Variants in HTT observed in about 807,000 individuals in gnomAD.
The protein encoded by HTT is huntington disease protein.
In HTT, 104 loss-of-function variants were observed where a neutral mutation model predicts 362.3. The ratio of observed to expected loss-of-function variants is 0.29; its 90% CI spans 0.24 to 0.34. The LOEUF is 0.34. Ranked by LOEUF, HTT falls within the 10% of genes least tolerant of loss-of-function variation. HTT has a pLI of 1.00. For synonymous variants in HTT, 1,577 were observed against 1,548.7 expected (o/e 1.02, Z -0.43); for missense variants, 3,301 against 3,928.6 (o/e 0.84, Z 4.27).
chr4:3,165,058 A>G (rs886259080), intron 29 of HTT, among the ~76,000 whole-genome samples: 2 of 152,120 alleles, frequency 1.3e-5, no homozygotes, highest in African/African-American at 4.8e-5. Flanking sequence ...AGTGGCTGGT[A>G]CTGGTTGTTC....
intron 41 of HTT, among the ~76,000 whole-genome samples, chr4:3,201,553 A>T (rs1719531951): frequency 6.7e-6 from 1 of 149,124 alleles, no homozygotes; most frequent in African/African-American, 2.5e-5. Context: ...AAAAAAAAAA[A>T]TTAATGGATC....
intron 2 of HTT, 39 bp downstream of exon 2, chr4:3,087,061 T>G: frequency 8.8e-7 from 1 of 1,130,332 alleles, no homozygotes. Flanking sequence ...AATAAGAACT[T>G]TGTATATTTT....
chr4:3,175,135 A>G, intron 33 of HTT, 28 bp downstream of exon 33: 2 of 1,587,486 alleles, frequency 1.3e-6, no homozygotes, highest in Non-Finnish European at 8.6e-7. Context: ...TTCATCCATC[A>G]TACCTGTTCC....
At chr4:3,143,983 A>G (rs1716477889) in intron 23 of HTT, among the ~76,000 whole-genome samples, 1 of 152,208 alleles carries the variant, frequency 6.6e-6, no homozygotes, top group Admixed American at 6.5e-5. Context: ...TAATTAAATT[A>G]TGTACATATG....
chr4:3,238,730 G>GGGCCCCCCCC, intron 65 of HTT, 88 bp from the exon 66 acceptor site: 126 of 1,096,872 alleles, frequency 1.1e-4, no homozygotes, highest in Non-Finnish European at 1.5e-4. Context: ...AATGCCTCTG[G>GGGCCCCCCCC]CCCCCACCCC....
intron 24 of HTT, among the ~76,000 whole-genome samples, chr4:3,146,356 A>C (rs902736189): frequency 6.6e-6 from 1 of 152,264 alleles, no homozygotes; most frequent in Non-Finnish European, 1.5e-5. Context: ...TAATAATATC[A>C]GGAAAACTAA....
At position 3,206,744 on chromosome 4, in the gene HTT, T is replaced by G; in HGVS notation, c.5899-63T>G. On this transcript the variant is annotated intron_variant, in intron 43 of 66. Coordinates refer to ENST00000355072, the MANE Select transcript of HTT (RefSeq NM_001388492.1). The surrounding 1 kb of genome is among the most constrained non-coding windows in gnomAD (Gnocchi z 4.6). ...TGCCTTAAAAATGGAGTATTGAAAT[T>G]TTTAACTTTAATTTCTGATTTGCAA... is the stretch of plus-strand genomic sequence containing the variant. 1 of 1,588,692 alleles carries G rather than the reference T, an allele frequency of 6.3e-7. No homozygotes were observed. Among genetic ancestry groups the G allele is most frequent in the Non-Finnish European group, 8.6e-7 (1 of 1,165,086 alleles).
chr4:3,239,946 G>T lies in HTT; in HGVS notation c.9316G>T (p.Glu3106Ter). Reference protein sequence around the residue: ...TDFYRHQIEEELDRRAFQSVL... With the variant: ...TDFYRHQIEE ...CTTCTACAGACACCAGATAGAGGAG[G>T]AGCTCGACCGCAGGGCCTTCCAGTC... Residue 3106 changes from glutamate to a stop codon, truncating the protein, a stop_gained, in exon 67 of 67, where the codon GAG becomes TAG. Coordinates refer to ENST00000355072, the MANE Select transcript of HTT (RefSeq NM_001388492.1). LOFTEE classifies it high-confidence loss of function. 6.3e-7 allele frequency: 1 copy of T among 1,587,244 alleles called. No homozygotes were observed. Among genetic ancestry groups the T allele is most frequent in the Non-Finnish European group, 8.6e-7 (1 of 1,165,908 alleles).
chr4:3,206,558 G>A lies in HTT; in HGVS notation c.5781G>A (p.Leu1927=). The A allele has an allele frequency of 6.2e-7, 1 of 1,614,048 alleles. No individual in the cohort carries two copies. Among genetic ancestry groups the A allele is most frequent in the Non-Finnish European group, 8.5e-7 (1 of 1,179,980 alleles). The stretch of plus-strand genomic sequence containing the variant: ...TCATTGTAAATCACATTCAAGATCT[G>A]ATCAGCCTTTCCCACGAGCCTCCAG... ...TWLIVNHIQD[L]ISLSHEPPVQ... is the part of the protein sequence containing the mutation. Residue 1927 remains leucine, a synonymous_variant, in exon 43 of 67, where the codon CTG becomes CTA. Transcript: ENST00000355072. This position sits in a 1 kb window ranked among gnomAD's most constrained non-coding sequence, Gnocchi z 4.6.
chr4:3,194,307 GTTTGCCTATTTC>G (rs1719149883), intron 40 of HTT, among the ~76,000 whole-genome samples: 2 of 152,128 alleles, frequency 1.3e-5, no homozygotes, highest in Non-Finnish European at 2.9e-5. Context: ...TCCCAAAGTG[GTTTGCCTATTTC>G]ACATTCCATC....
At chr4:3,148,916 C>T (rs28578394) in intron 26 of HTT, among the ~76,000 whole-genome samples, 10,314 of 152,200 alleles carry the variant, frequency 0.068, 417 homozygotes, top group African/African-American at 0.11. Context: ...TTGATTGTGC[C>T]GCTGCACTCC....
At position 3,222,507 on chromosome 4, in the gene HTT, T is replaced by A; in HGVS notation, c.7470+20T>A. 1 of 1,593,212 alleles carries A rather than the reference T, an allele frequency of 6.3e-7. No homozygotes were observed. ...CCAGAAGTAAGGCCACACCCTGTGC[T>A]GGTTGGCACATGGGCAGTTATGGCC... On this transcript the variant is annotated intron_variant, in intron 54 of 66. Coordinates refer to ENST00000355072, the MANE Select transcript of HTT (RefSeq NM_001388492.1).
At chr4:3,201,166 C>T (rs538574264) in intron 41 of HTT, among the ~76,000 whole-genome samples, 1 of 152,342 alleles carries the variant, frequency 6.6e-6, no homozygotes, top group African/African-American at 2.4e-5. Flanking sequence ...GTGACTGTTT[C>T]GTGACCCCCT....
At position 3,220,230 on chromosome 4, in the gene HTT, G is replaced by A. The variant is rs778687026; in HGVS notation, c.7291G>A (p.Ala2431Thr). Reference protein sequence around the residue: ...SPKPGGDFGTAFPEIPVEFLQ... With the variant: ...SPKPGGDFGTTFPEIPVEFLQ... ...CAAACCGGGAGGGGATTTTGGCACA[G>A]CATTCCCTGAGATCCCCGTGGAGTT... is the stretch of plus-strand genomic sequence containing the variant. Residue 2431 changes from alanine to threonine, a missense_variant, in exon 53 of 67, where the codon GCA (alanine) becomes ACA (threonine). Transcript: ENST00000355072. The A allele has an allele frequency of 2.5e-6, 4 of 1,613,994 alleles. No homozygotes were observed. The Admixed American group carries it at 6.7e-5, about 27-fold the overall frequency.
intron 16 of HTT, among the ~76,000 whole-genome samples, chr4:3,132,073 C>T (rs180883785): frequency 5.9e-5 from 9 of 152,188 alleles, no homozygotes; most frequent in South Asian, 2.1e-4. Flanking sequence ...GGCGCTGAGT[C>T]GCACTCAGCC....
Position 3,082,899 on chromosome 4 carries a change from C to T in HTT, c.264-4040C>T, listed in dbSNP as rs142754986. ...AACTGGAAGGACCCTTTCATCTGAG[C>T]AGCCACTATGGAGAAAAACAACCGA... On this transcript the variant is annotated intron_variant, in intron 1 of 66. Transcript: ENST00000355072. Among the ~76,000 whole-genome samples the T allele has an allele frequency of 9.7e-4, 148 of 152,186 alleles. 1 individual carries two copies. The highest frequency in any genetic ancestry group is 1.4e-3 in the Admixed American group (21 of 15,278).
intron 56 of HTT, 46 bp from the exon 57 acceptor site, chr4:3,225,615 C>T (rs769069921): frequency 1.3e-6 from 2 of 1,568,660 alleles, no homozygotes; most frequent in African/African-American, 2.7e-5. Flanking sequence ...GGCCTGCGGC[C>T]CTGCCCCCCT....
chr4:3,202,021 C>T (rs1719600201), intron 41 of HTT, among the ~76,000 whole-genome samples: 1 of 152,202 alleles, frequency 6.6e-6, no homozygotes, highest in Admixed American at 6.5e-5. Context: ...GGGTGCTCTG[C>T]TCCAGGAGGT....
At chr4:3,117,221 A>T (rs1168682807) in intron 8 of HTT, among the ~76,000 whole-genome samples, 1 of 152,180 alleles carries the variant, frequency 6.6e-6, no homozygotes, top group East Asian at 1.9e-4. Flanking sequence ...GCAGAGTCTC[A>T]TGGGATATGA....
Sources: gnomAD v4.1 joint callset for allele counts (sites outside exome capture counted in the v4.1 genomes callset) on GRCh38, gnomAD v4.1.1 for gene constraint, Gnocchi (gnomAD v3.1) non-coding constraint, MANE v1.5 for transcripts, NCBI Gene and HGNC (gene_info 2026-07-23, HGNC 2026-07-21) for gene names.